The following PCDH15 variants were observed in gnomAD, a reference collection of about 807,000 sequenced individuals.
PCDH15 encodes the protein protocadherin-15.
PCDH15 carries 129 observed loss-of-function variants against 178.5 expected under a neutral mutation model. The observed-to-expected ratio is 0.72, with a 90% confidence interval of 0.63 to 0.84. The LOEUF (loss-of-function observed/expected upper bound fraction) is 0.84, where lower values mean the gene tolerates loss of function less well. Among genes scored for constraint, PCDH15 ranks in the 40% least tolerant of loss-of-function variants. The probability of loss-of-function intolerance (pLI) is 0.00; values close to 1 mark genes in which losing one functional copy is unlikely to be tolerated. For synonymous variants in PCDH15, 800 were observed against 732.0 expected, an observed-to-expected ratio of 1.09 and a Z score of -1.50; for missense variants, 2,230 against 2,099.9, an observed-to-expected ratio of 1.06 and a Z score of -1.21.
In PCDH15 at chr10:54,288,109, G is replaced by T. The variant is rs565636248; in HGVS notation, c.876+29162C>A. 2.0e-5 allele frequency among the ~76,000 whole-genome samples: 3 copies of T among 152,122 alleles called. No individual in the cohort carries two copies. In the South Asian group the frequency reaches 6.2e-4, roughly 32 times the overall value. Reference sequence around the variant, plus strand: ...GAGGCTGAGGCAGGTGGATCATGAGGTCAGGAGTTCAACACCAACCTGGCC... The same window carrying T: ...GAGGCTGAGGCAGGTGGATCATGAGTTCAGGAGTTCAACACCAACCTGGCC... On this transcript the variant is annotated intron_variant, in intron 8 of 37. Coordinates refer to ENST00000644397, the MANE Select transcript of PCDH15 (RefSeq NM_001384140.1).
At chr10:54,219,094 AAAAAAAAAAAAAAC>A (rs1387703124) in intron 9 of PCDH15, among the ~76,000 whole-genome samples, 11 of 137,400 alleles carry the variant, frequency 8.0e-5, no homozygotes, top group Admixed American at 4.4e-4. Context: ...TCTACTAAAA[AAAAAAAAAAAAAAC>A]AAAAAAAAAA....
chr10:55,254,723 T>C (rs982648029), intron 1 of PCDH15, among the ~76,000 whole-genome samples: 2 of 152,204 alleles, frequency 1.3e-5, no homozygotes, highest in Non-Finnish European at 2.9e-5. Flanking sequence ...ACAGGTGCTA[T>C]GACATTTCAT....
At chr10:54,216,807 A>C (rs1253161102) in intron 9 of PCDH15, among the ~76,000 whole-genome samples, 3 of 152,180 alleles carry the variant, frequency 2.0e-5, no homozygotes, top group African/African-American at 4.8e-5. Flanking sequence ...TTTCCCATTT[A>C]TAATAACGGA....
At chr10:54,900,758 A>G (rs984427661) in intron 2 of PCDH15, among the ~76,000 whole-genome samples, 1 of 152,210 alleles carries the variant, frequency 6.6e-6, no homozygotes, top group Admixed American at 6.5e-5. Context: ...GTGGAAATTA[A>G]CCTTCAGCGA....
At chr10:54,383,575 A>G (rs1294986160) in intron 3 of PCDH15, among the ~76,000 whole-genome samples, 2 of 151,480 alleles carry the variant, frequency 1.3e-5, no homozygotes, top group East Asian at 3.9e-4. Context: ...AGGCCATCAA[A>G]TTGCTGCAGT....
chr10:55,532,239 C>T (rs191234095), intron 2 of PCDH15, among the ~76,000 whole-genome samples: 82 of 152,080 alleles, frequency 5.4e-4, no homozygotes, highest in African/African-American at 1.9e-3. Context: ...GGGAAACAGT[C>T]TCTTGAGGGG....
intron 2 of PCDH15, among the ~76,000 whole-genome samples, chr10:55,022,345 G>A (rs898639316): frequency 2.9e-4 from 44 of 151,480 alleles, no homozygotes; most frequent in Non-Finnish European, 5.0e-4. Context: ...CCAGTTAATC[G>A]GGAGGCAGAG....
chr10:55,245,381 A>AC lies in PCDH15; in HGVS notation c.-156+74217dup, dbSNP rs34323257. 2.8e-3 allele frequency among the ~76,000 whole-genome samples: 426 copies of AC among 151,576 alleles called. 20 individuals carry two copies. The South Asian group carries it at 0.084, about 30-fold the overall frequency. On this transcript the variant is annotated intron_variant, in intron 1 of 5. Transcript: ENST00000458638. ...AAAATAACTCAAAAAAACAGAAAAC[A>AC]CCCCCCCAAAACATCTTATATTACT...
chr10:55,220,590 T>C (rs1364896056), intron 1 of PCDH15, among the ~76,000 whole-genome samples: 1 of 152,102 alleles, frequency 6.6e-6, no homozygotes, highest in Non-Finnish European at 1.5e-5. Context: ...GCTAAAAATC[T>C]GTACAGCATG....
chr10:54,679,245 G>A (rs1476525509), intron 1 of PCDH15, among the ~76,000 whole-genome samples: 2 of 147,180 alleles, frequency 1.4e-5, no homozygotes, highest in East Asian at 4.0e-4. Flanking sequence ...TGATATAGTA[G>A]ATTGTCCAAT....
intron 13 of PCDH15, among the ~76,000 whole-genome samples, chr10:54,155,738 A>G (rs998077200): frequency 1.9e-4 from 28 of 150,734 alleles, no homozygotes; most frequent in Non-Finnish European, 1.3e-4. Flanking sequence ...CAGAGGTTGC[A>G]GTGACCTGAG....
chr10:53,832,908 C>T (rs1189105640), intron 29 of PCDH15, among the ~76,000 whole-genome samples: 1 of 151,886 alleles, frequency 6.6e-6, no homozygotes, highest in African/African-American at 2.4e-5. Flanking sequence ...ATTCATATCA[C>T]ACATGTGGCA....
At chr10:55,332,015 C>G (rs1288052758) in intron 2 of PCDH15, among the ~76,000 whole-genome samples, 1 of 151,982 alleles carries the variant, frequency 6.6e-6, no homozygotes, top group African/African-American at 2.4e-5. Flanking sequence ...ACAGTCACTA[C>G]AAGGGAAATT....
At chr10:54,074,070 G>T (rs1190377843) in intron 17 of PCDH15, among the ~76,000 whole-genome samples, 1 of 152,196 alleles carries the variant, frequency 6.6e-6, no homozygotes, top group African/African-American at 2.4e-5. Context: ...GTCTAGAGTT[G>T]CAGAAGATGG....
At chr10:54,327,432 TCTTATAATATATA>T (rs1321247188) in intron 7 of PCDH15, among the ~76,000 whole-genome samples, 6 of 149,130 alleles carry the variant, frequency 4.0e-5, no homozygotes, top group Non-Finnish European at 7.4e-5. Context: ...ACATATAACA[TCTTATAATATATA>T]ATTATAATAT....
At chr10:54,458,742 G>C (rs2076989222) in intron 3 of PCDH15, among the ~76,000 whole-genome samples, 1 of 152,106 alleles carries the variant, frequency 6.6e-6, no homozygotes, top group Non-Finnish European at 1.5e-5. Flanking sequence ...GAACTCAACA[G>C]TCATTGTAGC....
intron 2 of PCDH15, among the ~76,000 whole-genome samples, chr10:54,627,389 G>A (rs188548979): frequency 1.3e-5 from 2 of 152,174 alleles, no homozygotes; most frequent in African/African-American, 4.8e-5. Context: ...GAATCATGGG[G>A]GCAGATCTTT....
chr10:54,544,306 C>T (rs10825350), intron 2 of PCDH15, among the ~76,000 whole-genome samples: 2 of 151,978 alleles, frequency 1.3e-5, no homozygotes, highest in South Asian at 4.1e-4. Flanking sequence ...TGATTAACTG[C>T]ATTTTTTGGA....
At chr10:55,367,039 C>CTGGGATTA (rs985449671) in intron 2 of PCDH15, among the ~76,000 whole-genome samples, 10 of 151,810 alleles carry the variant, frequency 6.6e-5, no homozygotes, top group African/African-American at 1.5e-4. Context: ...CCTCCATTCT[C>CTGGGATTA]TGGGATTATG....
Sources: allele counts gnomAD v4.1 joint callset (sites outside exome capture counted in the v4.1 genomes callset), GRCh38; gene constraint gnomAD v4.1.1; transcripts MANE v1.5; gene names NCBI Gene and HGNC (gene_info 2026-07-23, HGNC 2026-07-21).